The following PRR4 variants were observed in gnomAD, a reference collection of about 807,000 sequenced individuals.
The protein encoded by PRR4 is proline-rich protein 4.
In PRR4, 7 loss-of-function variants were observed where a neutral mutation model predicts 7.6. The observed-to-expected ratio is 0.92, with a 90% CI of 0.52 to 1.73. The LOEUF (loss-of-function observed/expected upper bound fraction) is 1.73, where lower values mean the gene tolerates loss of function less well. Ranked by LOEUF, PRR4 falls within the 40% of genes most tolerant of loss-of-function variation. The pLI is 0.00. For synonymous variants in PRR4, 64 were observed against 58.5 expected, an observed-to-expected ratio of 1.09 and a Z score of -0.43; for missense variants, 187 against 161.0, an observed-to-expected ratio of 1.16 and a Z score of -0.87.
At chr12:10,848,467 G>C (rs979999314) in intron 1 of PRR4, 60 bp from the exon 2 acceptor site, 2 of 1,537,726 alleles carry the variant, frequency 1.3e-6, no homozygotes, top group South Asian at 1.2e-5. Context: ...AGGGCTCATA[G>C]TGGTCTATAG....
intron 3 of PRR4, among the ~76,000 whole-genome samples, chr12:10,846,535 T>G (rs1949019840): frequency 6.6e-6 from 1 of 152,184 alleles, no homozygotes; most frequent in Non-Finnish European, 1.5e-5. Flanking sequence ...AGTTAGATTT[T>G]TTTTTCCTTG....
In PRR4 at chr12:10,847,247, G is replaced by T. The variant is rs752395308; in HGVS notation, c.221C>A (p.Pro74Gln). The T allele has an allele frequency of 6.2e-7, 1 of 1,613,752 alleles. No individual in the cohort carries two copies. The change falls in exon 3 of 4, where the codon CCA becomes CAA. Residue 74 changes from proline (P) to glutamine (Q), a missense_variant. Coordinates refer to ENST00000228811, the MANE Select transcript of PRR4 (RefSeq NM_007244.3). ...NQDDGPQQRP[P>Q]KPGGHHRHPP... Reference sequence around the variant, plus strand: ...ATGGCGGTGATGGCCTCCTGGTTTTGGTGGTCTCTGCTGAGGACCATCATC... The same window carrying T: ...ATGGCGGTGATGGCCTCCTGGTTTTTGTGGTCTCTGCTGAGGACCATCATC...
intron 3 of PRR4, 39 bp downstream of exon 3, chr12:10,847,006 C>G: frequency 6.9e-7 from 1 of 1,458,162 alleles, no homozygotes; most frequent in Non-Finnish European, 9.2e-7. Context: ...GGAATGGTAG[C>G]AGTTTGGGCA....
Position 10,846,453 on chromosome 12 carries a change from G to A in PRR4, c.*19-503C>T, listed in dbSNP as rs1218426096. 2.0e-5 allele frequency among the ~76,000 whole-genome samples: 3 copies of A among 152,272 alleles called. No homozygotes were observed. In the East Asian group the frequency reaches 5.8e-4, roughly 29 times the overall value. Reference sequence around the variant, plus strand: ...GGATGTTCAAAAAATTAAGGGTGGTGACTTTTGGTGAAGGGTGTGGGTAAG... The same window carrying A: ...GGATGTTCAAAAAATTAAGGGTGGTAACTTTTGGTGAAGGGTGTGGGTAAG... On this transcript the variant is annotated intron_variant, in intron 3 of 3. Transcript: ENST00000228811.
At chr12:10,846,395 C>A (rs912167213) in intron 3 of PRR4, among the ~76,000 whole-genome samples, 1 of 151,918 alleles carries the variant, frequency 6.6e-6, no homozygotes, top group Non-Finnish European at 1.5e-5. Context: ...AAAATAATGA[C>A]GTATGCTTAT....
At chr12:10,847,765 T>A (rs951922451) in intron 2 of PRR4, among the ~76,000 whole-genome samples, 13 of 152,102 alleles carry the variant, frequency 8.5e-5, no homozygotes, top group African/African-American at 3.1e-4. Context: ...TGTGACTCCA[T>A]CTCTGGGCAC....
Position 10,845,927 on chromosome 12 carries a change from G to T in PRR4, c.*42C>A. ...TATTTCAATGTCATGGCTTTCTGAA[G>T]GAAGTTATCTTCTTATTTATTTTCT... On this transcript the variant is annotated 3_prime_UTR_variant, in exon 4 of 4. Coordinates refer to ENST00000228811, the MANE Select transcript of PRR4 (RefSeq NM_007244.3). 7.5e-7 allele frequency: 1 copy of T among 1,332,614 alleles called. No individual in the cohort carries two copies. Among genetic ancestry groups the T allele is most frequent in the Non-Finnish European group, 9.8e-7 (1 of 1,017,760 alleles). The allele number at this position is 1,332,614 out of a possible 1,614,324, so 82.5% of individuals were successfully genotyped here.
rs775950538 is a variant in PRR4, at chr12:10,847,325, C to T, written c.143G>A (p.Arg48Lys). The change falls in exon 3 of 4, where the codon AGA becomes AAA. Residue 48 changes from arginine to lysine, a missense_variant. Arg to Lys is a conservative substitution (Grantham distance 26). Transcript: ENST00000228811. ...AGGTAGGAGTCCTTCAGGAGGAGGT[C>T]TCTGGGGTCCCTGATCTGGTCTCTG... ...SSQRPDQGPQ[R>K]PPPEGLLPRP... The T allele has an allele frequency of 4.4e-6, 7 of 1,574,434 alleles. No individual in the cohort carries two copies. The highest frequency in any genetic ancestry group is 6.0e-6 in the Non-Finnish European group (7 of 1,157,840).
intron 1 of PRR4, chr12:10,848,714 T>C (rs1949056460): frequency 3.2e-6 from 1 of 315,950 alleles, no homozygotes; most frequent in South Asian, 1.5e-4. Flanking sequence ...TTTAGATCTT[T>C]ACCTTCTTCC....
chr12:10,845,935 T>C lies in PRR4; in HGVS notation c.*34A>G, dbSNP rs558275040. 4.3e-4 allele frequency: 577 copies of C among 1,336,708 alleles called. 1 individual carries two copies. The highest frequency in any genetic ancestry group is 5.2e-4 in the Non-Finnish European group (534 of 1,021,920). The allele number at this position is 1,336,708 out of a possible 1,614,324, so 82.8% of individuals were successfully genotyped here. ...TGTCATGGCTTTCTGAAGGAAGTTA[T>C]CTTCTTATTTATTTTCTGAAACAAA... On this transcript the variant is annotated 3_prime_UTR_variant, in exon 4 of 4. Transcript: ENST00000228811.
rs1219115636 is a variant in PRR4, at chr12:10,845,920, T to G, written c.*49A>C. The G allele has an allele frequency of 3.0e-6, 4 of 1,330,984 alleles. No individual in the cohort carries two copies. The African/African-American group carries it at 6.0e-5, about 20-fold the overall frequency. 82.4% of individuals were successfully genotyped at this position (1,330,984 alleles called of 1,614,324 possible). ...ACCACATTATTTCAATGTCATGGCT[T>G]TCTGAAGGAAGTTATCTTCTTATTT... is the stretch of plus-strand genomic sequence containing the variant. On this transcript the variant is annotated 3_prime_UTR_variant, in exon 4 of 4. Transcript: ENST00000228811.
At position 10,847,214 on chromosome 12, in the gene PRR4, G is replaced by T; in HGVS notation, c.254C>A (p.Pro85Gln). 3 of 1,613,618 alleles carry T rather than the reference G, an allele frequency of 1.9e-6. No homozygotes were observed. Among genetic ancestry groups the T allele is most frequent in the South Asian group, 2.2e-5 (2 of 90,984 alleles). The change falls in exon 3 of 4, where the codon CCA (proline) becomes CAA (glutamine). Residue 85 changes from proline to glutamine, a missense_variant. Physicochemically the swap from Pro to Gln is moderately conservative, Grantham distance 76. Coordinates refer to ENST00000228811, the MANE Select transcript of PRR4 (RefSeq NM_007244.3). ...TCGTTGCTGATTTTGAAAAGGAGGT[G>T]GGGGAGGATGGCGGTGATGGCCTCC... is the stretch of plus-strand genomic sequence containing the variant. ...KPGGHHRHPP[P>Q]PPFQNQQRPP...
chr12:10,846,553 A>G (rs1949020055), intron 3 of PRR4, among the ~76,000 whole-genome samples: 1 of 152,118 alleles, frequency 6.6e-6, no homozygotes, highest in South Asian at 2.1e-4. Context: ...TTGAGCATGT[A>G]CTAATTTCAA....
At chr12:10,849,265 C>T in intron 1 of PRR4, 109 bp downstream of exon 1, 1 of 517,210 alleles carries the variant, frequency 1.9e-6, no homozygotes, top group Non-Finnish European at 3.2e-6. Flanking sequence ...CCTTCCTCCC[C>T]TCCTGCTCTT....
At position 10,845,894 on chromosome 12, in the gene PRR4, G is replaced by T; in HGVS notation, c.*75C>A. On this transcript the variant is annotated 3_prime_UTR_variant, in exon 4 of 4. Transcript: ENST00000228811. ...ATTGGTATACTGAAGAAAGAGTTAT[G>T]ACCACATTATTTCAATGTCATGGCT... 1.6e-6 allele frequency: 2 copies of T among 1,264,408 alleles called. No individual in the cohort carries two copies. The highest frequency in any genetic ancestry group is 4.0e-5 in the South Asian group (2 of 50,164). The allele number at this position is 1,264,408 out of a possible 1,614,324, so 78.3% of individuals were successfully genotyped here.
rs749039180 is a variant in PRR4 at position 10,847,115 on chromosome 12, A to G, written c.353T>C (p.Phe118Ser). ...TCTTGCTGGTCTGTCCCTCTGGAAG[A>G]ATGATGATGCTTCCTGCAGGCTGAC... ...PSVSLQEASS[F>S]FQRDRPARHP... Residue 118 changes from phenylalanine (F) to serine (S), a missense_variant, in exon 3 of 4, where the codon TTC becomes TCC. Transcript: ENST00000228811. 7 of 1,612,552 alleles carry G rather than the reference A, an allele frequency of 4.3e-6. No homozygotes were observed. The East Asian group carries it at 1.3e-4, about 31-fold the overall frequency.
In PRR4 at chr12:10,847,254, T is replaced by C. The variant is rs1949031487; in HGVS notation, c.214A>G (p.Arg72Gly). ...TGATGGCCTCCTGGTTTTGGTGGTC[T>C]CTGCTGAGGACCATCATCTTGGTTA... is the stretch of plus-strand genomic sequence containing the variant. Reference protein sequence around the residue: ...SGNQDDGPQQRPPKPGGHHRH... With the variant: ...SGNQDDGPQQGPPKPGGHHRH... Residue 72 changes from arginine to glycine, a missense_variant, in exon 3 of 4, where the codon AGA becomes GGA. By Grantham distance (125) the Arg-to-Gly change is moderately radical. Coordinates refer to ENST00000228811, the MANE Select transcript of PRR4 (RefSeq NM_007244.3). 1.2e-6 allele frequency: 2 copies of C among 1,613,468 alleles called. No individual in the cohort carries two copies. The highest frequency in any genetic ancestry group is 1.7e-6 in the Non-Finnish European group (2 of 1,179,682).
intron 2 of PRR4, among the ~76,000 whole-genome samples, 167 bp downstream of exon 2, chr12:10,848,205 G>A (rs945369515): frequency 6.6e-6 from 1 of 152,018 alleles, no homozygotes; most frequent in African/African-American, 2.4e-5. Context: ...ATCAAAGATG[G>A]GTAAGAATTG....
Position 10,847,350 on chromosome 12 carries a change from G to A in PRR4, c.118C>T (p.Gln40Ter). 2 of 1,541,524 alleles carry A rather than the reference G, an allele frequency of 1.3e-6. No individual in the cohort carries two copies. Among genetic ancestry groups the A allele is most frequent in the Non-Finnish European group, 1.7e-6 (2 of 1,143,266 alleles). ...FTIPDVEDSS[Q>*]RPDQGPQRPP... ...CTCTGGGGTCCCTGATCTGGTCTCT[G>A]ACTTGAGTCCTCTACATCTGTGTGA... The change falls in exon 3 of 4, where the codon CAG (glutamine) becomes TAG (stop). Residue 40 changes from glutamine (Q) to a stop codon, truncating the protein, a stop_gained. Transcript: ENST00000228811. LOFTEE classifies it high-confidence loss of function.
Sources: gnomAD v4.1 joint callset for allele counts (sites outside exome capture counted in the v4.1 genomes callset) on GRCh38, gnomAD v4.1.1 for gene constraint, MANE v1.5 for transcripts, NCBI Gene and HGNC (gene_info 2026-07-23, HGNC 2026-07-21) for gene names.